CEP131: variants seen among roughly 807,000 people sequenced by gnomAD.
CEP131 encodes centrosomal protein of 131 kDa.
Under a neutral mutation model 136.8 loss-of-function variants are expected in CEP131, and 99 were observed. That is an observed-to-expected ratio of 0.72 (90% confidence interval 0.62 to 0.86). The LOEUF (loss-of-function observed/expected upper bound fraction) is 0.86, where lower values mean the gene tolerates loss of function less well. CEP131 is among the 40% of genes least tolerant of loss of function. The pLI, the probability that CEP131 is intolerant of heterozygous loss-of-function variation, is 0.00. For synonymous variants in CEP131, 646 were observed against 612.7 expected, an observed-to-expected ratio of 1.05 and a Z score of -0.80; for missense variants, 1,459 against 1,463.0, an observed-to-expected ratio of 1.00 and a Z score of 0.04.
intron 10 of CEP131, 89 bp from the exon 11 acceptor site, chr17:81,199,060 G>A: frequency 7.8e-7 from 1 of 1,289,732 alleles, no homozygotes. Context: ...AGCCAGGCAT[G>A]GGGGAGGCGG....
At chr17:81,200,064 C>T (rs2061855817) in intron 8 of CEP131, 3 of 609,890 alleles carry the variant, frequency 4.9e-6, no homozygotes, top group Non-Finnish European at 8.7e-6. Context: ...GGAGACAGCT[C>T]TGCCCCCACA....
At chr17:81,193,766 G>A (rs2061692904) in intron 18 of CEP131, among the ~76,000 whole-genome samples, 160 bp downstream of exon 18, 1 of 152,176 alleles carries the variant, frequency 6.6e-6, no homozygotes, top group Non-Finnish European at 1.5e-5. Flanking sequence ...CTGAGGCTGG[G>A]CCCCCAAGGG....
At chr17:81,213,789 C>T (rs1210694032) in intron 2 of CEP131, among the ~76,000 whole-genome samples, 1 of 152,198 alleles carries the variant, frequency 6.6e-6, no homozygotes, top group Admixed American at 6.5e-5. Context: ...CCAGCAGCAT[C>T]ACCAGTGAGA....
intron 12 of CEP131, 99 bp downstream of exon 12, chr17:81,198,016 T>C: frequency 1.3e-6 from 2 of 1,484,648 alleles, no homozygotes; most frequent in Non-Finnish European, 1.8e-6. Flanking sequence ...AGGAGGAGCC[T>C]GTGGCATCCC....
rs545566072 is a variant in CEP131 at position 81,199,270 on chromosome 17, C to T, written c.1192+111G>A. 2.4e-4 allele frequency: 316 copies of T among 1,296,218 alleles called. 2 individuals carry two copies. In the African/African-American group the frequency reaches 4.2e-3, roughly 17 times the overall value. 80.3% of individuals were successfully genotyped at this position (1,296,218 alleles called of 1,614,324 possible). A position where few individuals can be genotyped will look rare whatever the true frequency, so the allele number is the denominator to read the frequency against. The stretch of plus-strand genomic sequence containing the variant: ...GGCCCCTAACTCCGAGGACTGGGGC[C>T]GCCAACATGGGCAGCAGCACAGGAG... On this transcript the variant is annotated intron_variant, in intron 10 of 25. Coordinates refer to ENST00000450824, the MANE Select transcript of CEP131 (RefSeq NM_014984.4).
chr17:81,219,997 C>T lies in CEP131; in HGVS notation c.60G>A (p.Leu20=). ...CAGGCGGAGGGAGACCTGTCAGACTCAGGTCCACACCTGCTGGGCTGCGCT... is the reference window on the plus strand; with the variant it reads ...CAGGCGGAGGGAGACCTGTCAGACTTAGGTCCACACCTGCTGGGCTGCGCT... The part of the protein sequence containing the change: ...VPERSPAGVD[L]SLTGLPPPVS... Residue 20 remains leucine (L), a synonymous_variant, in exon 2 of 26, where the codon CTG becomes CTA. Transcript: ENST00000450824. The surrounding 1 kb of genome is among the most constrained non-coding windows in gnomAD (Gnocchi z 4.0). The T allele has an allele frequency of 6.2e-7, 1 of 1,612,032 alleles. No homozygotes were observed. Among genetic ancestry groups the T allele is most frequent in the Non-Finnish European group, 8.5e-7 (1 of 1,179,412 alleles).
rs111699070 is a variant in CEP131, at chr17:81,217,570, G to A, written c.177+2310C>T. 3.4e-3 allele frequency among the ~76,000 whole-genome samples: 511 copies of A among 152,278 alleles called. 2 individuals carry two copies. Among genetic ancestry groups the A allele is most frequent in the African/African-American group, 0.011 (476 of 41,550 alleles). Reference sequence around the variant, plus strand: ...GCACAACAGAAACCCCTGAGGTCACGTCACACACTGGCGGGGGTTCCTCTT... The same window carrying A: ...GCACAACAGAAACCCCTGAGGTCACATCACACACTGGCGGGGGTTCCTCTT... On this transcript the variant is annotated intron_variant, in intron 2 of 25. Transcript: ENST00000450824.
chr17:81,207,263 A>C, intron 3 of CEP131, 24 bp from the exon 4 acceptor site: 1 of 1,608,208 alleles, frequency 6.2e-7, no homozygotes, highest in East Asian at 2.2e-5. Context: ...AGGGCGGCAC[A>C]CAAGGAAAGA....
chr17:81,208,104 CCA>C lies in CEP131; in HGVS notation c.272+822_272+823del, dbSNP rs891169533. On this transcript the variant is annotated intron_variant, in intron 3 of 25. Coordinates refer to ENST00000450824, the MANE Select transcript of CEP131 (RefSeq NM_014984.4). The surrounding 1 kb of genome is among the most constrained non-coding windows in gnomAD (Gnocchi z 5.6). ...ACCACACCACACACACACACTTATG[CCA>C]CACACCCACACACCACACACATACC... Among the ~76,000 whole-genome samples the C allele has an allele frequency of 2.0e-5, 3 of 148,058 alleles. No homozygotes were observed. The highest frequency in any genetic ancestry group is 5.0e-5 in the African/African-American group (2 of 39,658).
In CEP131 at chr17:81,196,658, C is replaced by T. The variant is rs780090108; in HGVS notation, c.1899+43G>A. Reference sequence around the variant, plus strand: ...CCCTGGCTCTGGAAGTCTCCATGAGCCACGCGCTGGGTCCGGGCCTCTGCG... The same window carrying T: ...CCCTGGCTCTGGAAGTCTCCATGAGTCACGCGCTGGGTCCGGGCCTCTGCG... On this transcript the variant is annotated intron_variant, in intron 15 of 25. Coordinates refer to ENST00000450824, the MANE Select transcript of CEP131 (RefSeq NM_014984.4). 5 of 1,576,950 alleles carry T rather than the reference C, an allele frequency of 3.2e-6. No homozygotes were observed. The African/African-American group carries it at 6.7e-5, about 21-fold the overall frequency.
At chr17:81,220,228 GCTC>G (rs574218706) in intron 1 of CEP131, among the ~76,000 whole-genome samples, 155 bp from the exon 2 acceptor site, 1 of 152,224 alleles carries the variant, frequency 6.6e-6, no homozygotes, top group African/African-American at 2.4e-5. Context: ...CTGGTGGCAG[GCTC>G]CTCGACAGGA....
chr17:81,197,533 G>A, intron 13 of CEP131, 179 bp downstream of exon 13: 1 of 930,740 alleles, frequency 1.1e-6, no homozygotes, highest in Non-Finnish European at 1.5e-6. Flanking sequence ...TGCATAACTA[G>A]GTGGGTACAT....
At position 81,195,918 on chromosome 17, in the gene CEP131, A is replaced by C; in HGVS notation, c.1933T>G (p.Cys645Gly). Residue 645 changes from cysteine (C) to glycine (G), a missense_variant, in exon 16 of 26, where the codon TGC (cysteine) becomes GGC (glycine). Around this residue, in one of 3 missense-constraint regions of CEP131, gnomAD observed 1,026 missense variants for 964.2 expected, o/e 1.06. Coordinates refer to ENST00000450824, the MANE Select transcript of CEP131 (RefSeq NM_014984.4). ...TTCAGCTCGGCCACCACAGCCTCGCACTTTTCACTCAGGACCTTCTTGTCC... is the reference window on the plus strand; with the variant it reads ...TTCAGCTCGGCCACCACAGCCTCGCCCTTTTCACTCAGGACCTTCTTGTCC... ...IEDKKVLSEK[C>G]EAVVAELKQE... 1 of 1,610,196 alleles carries C rather than the reference A, an allele frequency of 6.2e-7. No individual in the cohort carries two copies.
chr17:81,206,675 A>T (rs2062014631), intron 5 of CEP131, 69 bp downstream of exon 5: 1 of 1,522,902 alleles, frequency 6.6e-7, no homozygotes, highest in Admixed American at 2.2e-5. Flanking sequence ...AACAAGACAA[A>T]GACACACACA....
At chr17:81,191,379 C>A (rs1274212183) in intron 21 of CEP131, 44 bp from the exon 22 acceptor site, 5 of 1,608,438 alleles carry the variant, frequency 3.1e-6, no homozygotes, top group Non-Finnish European at 4.2e-6. Context: ...CCGGAGCCGG[C>A]CCGCGGGGCC....
intron 13 of CEP131, 114 bp downstream of exon 13, chr17:81,197,597 TC>T: frequency 7.0e-7 from 1 of 1,420,522 alleles, no homozygotes; most frequent in Non-Finnish European, 9.2e-7. Flanking sequence ...AGAGACCTCC[TC>T]CCCCTGGGGG....
intron 21 of CEP131, 38 bp from the exon 22 acceptor site, chr17:81,191,373 A>G (rs1304476705): frequency 6.2e-7 from 1 of 1,610,268 alleles, no homozygotes; most frequent in South Asian, 1.1e-5. Flanking sequence ...TGCCACCCGG[A>G]GCCGGCCCGC....
At chr17:81,214,531 A>T (rs2062202623) in intron 2 of CEP131, among the ~76,000 whole-genome samples, 2 of 152,028 alleles carry the variant, frequency 1.3e-5, no homozygotes, top group Non-Finnish European at 2.9e-5. Flanking sequence ...ACTCCAGCCT[A>T]GGTGACAGGA....
chr17:81,207,956 T>TACAC (rs1286736746), intron 3 of CEP131, among the ~76,000 whole-genome samples: 1 of 846 alleles, frequency 1.2e-3, no homozygotes. Flanking sequence ...ACACACCCCA[T>TACAC]ACACACACAC....
Sources: allele counts gnomAD v4.1 joint callset (sites outside exome capture counted in the v4.1 genomes callset), GRCh38; gene constraint gnomAD v4.1.1; regional missense constraint gnomAD v4.1.1; non-coding constraint Gnocchi (gnomAD v3.1); transcripts MANE v1.5; gene names NCBI Gene and HGNC (gene_info 2026-07-23, HGNC 2026-07-21).